Variants in UBE4A observed in about 807,000 individuals in gnomAD.
UBE4A encodes the protein ubiquitin conjugation factor E4 A.
A neutral mutation model predicts 117.9 loss-of-function variants in UBE4A; 48 were observed. The observed-to-expected ratio is 0.41, with a 90% CI of 0.32 to 0.52. The LOEUF is 0.52. UBE4A is among the 20% of genes least tolerant of loss of function. The pLI is 0.33. For missense variants in UBE4A, 1,067 were observed against 1,296.3 expected, an observed-to-expected ratio of 0.82 and a Z score of 2.72; for synonymous variants, 407 against 450.0, an observed-to-expected ratio of 0.90 and a Z score of 1.21.
chr11:118,386,643 A>G lies in UBE4A; in HGVS notation c.2587+31A>G, dbSNP rs782360788. 2.7e-6 allele frequency: 4 copies of G among 1,494,160 alleles called. No individual in the cohort carries two copies. The East Asian group carries it at 1.0e-4, about 39-fold the overall frequency. 92.6% of individuals were successfully genotyped at this position (1,494,160 alleles called of 1,614,324 possible). A position where few individuals can be genotyped will look rare whatever the true frequency, so the allele number is the denominator to read the frequency against. ...GACATGAAGTACTGCTTCCCCCCAA[A>G]AAAGTAATGGCCAAGATCAGCTTCA... is the stretch of plus-strand genomic sequence containing the variant. On this transcript the variant is annotated intron_variant, in intron 16 of 19. Transcript: ENST00000252108.
Position 118,369,487 on chromosome 11 carries a change from A to T in UBE4A, c.360A>T (p.Ala120=). The T allele has an allele frequency of 6.2e-7, 1 of 1,614,204 alleles. No individual in the cohort carries two copies. Among genetic ancestry groups the T allele is most frequent in the Non-Finnish European group, 8.5e-7 (1 of 1,180,024 alleles). Residue 120 remains alanine, a synonymous_variant, in exon 4 of 20, where the codon GCA becomes GCT. Coordinates refer to ENST00000252108, the MANE Select transcript of UBE4A (RefSeq NM_001204077.2). ...PSRCVYLEEM[A]VELEDQDWLD... ...GTTGTGTGTATTTGGAAGAAATGGC[A>T]GTAGAGCTAGAAGATCAAGACTGGC... is the stretch of plus-strand genomic sequence containing the variant.
chr11:118,370,622 T>TAAAA (rs142959441), intron 4 of UBE4A, among the ~76,000 whole-genome samples: 1 of 138,760 alleles, frequency 7.2e-6, no homozygotes, highest in East Asian at 2.1e-4. Flanking sequence ...AAGACCCATC[T>TAAAA]AAAAAAAAAA....
At chr11:118,376,464 GAT>G (rs782023208) in intron 9 of UBE4A, 108 bp from the exon 10 acceptor site, 141 of 1,407,178 alleles carry the variant, frequency 1.0e-4, no homozygotes, top group Non-Finnish European at 1.3e-4. Context: ...AATATGACAA[GAT>G]ATGTTTTTAA....
In UBE4A at chr11:118,379,656, A is replaced by G. The variant is rs143573037; in HGVS notation, c.1782A>G (p.Leu594=). ...ACTTGCAGGTGTCCATGGCTGTTCTACTGGTTCAACTGGCCATAGGCAATG... is the reference window on the plus strand; with the variant it reads ...ACTTGCAGGTGTCCATGGCTGTTCTGCTGGTTCAACTGGCCATAGGCAATG... ...CLNLQVSMAV[L]LVQLAIGNEG... is the part of the protein sequence containing the mutation. The change falls in exon 11 of 20, where the codon CTA becomes CTG. Residue 594 remains leucine (L), a synonymous_variant. Coordinates refer to ENST00000252108, the MANE Select transcript of UBE4A (RefSeq NM_001204077.2). 1,681 of 1,614,244 alleles carry G rather than the reference A, an allele frequency of 1.0e-3. 2 individuals carry two copies. The highest frequency in any genetic ancestry group is 1.1e-3 in the Non-Finnish European group (1,265 of 1,180,036).
Position 118,379,441 on chromosome 11 carries a change from G to A in UBE4A, c.1572-5G>A, listed in dbSNP as rs1948680972. On this transcript the variant is annotated splice_polypyrimidine_tract_variant and splice_region_variant and intron_variant, in intron 10 of 19. Transcript: ENST00000252108. The stretch of plus-strand genomic sequence containing the variant: ...ACCCAGTCTCTTCTGCTTTCTTGGG[G>A]GCAGGTTGCATGATCAGATGGTAAA... 1.9e-6 allele frequency: 3 copies of A among 1,610,090 alleles called. No homozygotes were observed. The highest frequency in any genetic ancestry group is 2.5e-6 in the Non-Finnish European group (3 of 1,177,352).
intron 2 of UBE4A, among the ~76,000 whole-genome samples, chr11:118,368,040 A>G (rs1413742890): frequency 6.6e-6 from 1 of 152,246 alleles, no homozygotes. Flanking sequence ...ATAGTGAGGT[A>G]GGCCTCTAAA....
chr11:118,366,968 C>T (rs555968754), intron 2 of UBE4A, among the ~76,000 whole-genome samples: 1 of 152,252 alleles, frequency 6.6e-6, no homozygotes, highest in South Asian at 2.1e-4. Context: ...CTCTGGGAGG[C>T]CAAGGTGGGC....
chr11:118,388,984 T>C (rs560592155), intron 16 of UBE4A, among the ~76,000 whole-genome samples: 1 of 151,852 alleles, frequency 6.6e-6, no homozygotes, highest in African/African-American at 2.4e-5. Flanking sequence ...TAAAAAATAA[T>C]TTTTTTAAAA....
At chr11:118,363,771 G>A (rs1284686608) in intron 1 of UBE4A, among the ~76,000 whole-genome samples, 4 of 151,944 alleles carry the variant, frequency 2.6e-5, no homozygotes, top group East Asian at 1.9e-4. Flanking sequence ...GGCACCTGCC[G>A]CCATGCCTGG....
chr11:118,372,352 A>G (rs888099906), intron 5 of UBE4A, among the ~76,000 whole-genome samples, 155 bp from the exon 6 acceptor site: 3 of 152,240 alleles, frequency 2.0e-5, no homozygotes, highest in Non-Finnish European at 2.9e-5. Flanking sequence ...TTAAATAGGC[A>G]GATAGATGAT....
rs782655923 is a variant in UBE4A at position 118,379,500 on chromosome 11, C to T, written c.1626C>T (p.Ala542=). Residue 542 remains alanine, a synonymous_variant, in exon 11 of 20, where the codon GCC becomes GCT. Transcript: ENST00000252108. The part of the protein sequence containing the change: ...INQNLHRLQV[A]WRDAQQSSSP... ...AAAATCTGCATCGGCTGCAGGTTGC[C>T]TGGCGGGATGCTCAGCAAAGTTCTA... 1.7e-5 allele frequency: 27 copies of T among 1,614,034 alleles called. No individual in the cohort carries two copies. Among genetic ancestry groups the T allele is most frequent in the East Asian group, 1.3e-4 (6 of 44,898 alleles).
At chr11:118,372,978 C>T in intron 6 of UBE4A, 108 bp from the exon 7 acceptor site, 1 of 1,103,198 alleles carries the variant, frequency 9.1e-7, no homozygotes, top group Non-Finnish European at 1.3e-6. Flanking sequence ...AACAAGACCC[C>T]CAGCTCTAAA....
chr11:118,372,050 A>G (rs759726459), intron 5 of UBE4A, among the ~76,000 whole-genome samples: 6 of 152,328 alleles, frequency 3.9e-5, no homozygotes, highest in Non-Finnish European at 7.4e-5. Context: ...ACATGAGGCC[A>G]GGAGTTCGAG....
chr11:118,396,080 G>A (rs1479479306), intron 19 of UBE4A, among the ~76,000 whole-genome samples: 2 of 148,330 alleles, frequency 1.3e-5, no homozygotes, highest in African/African-American at 2.5e-5. Context: ...GGGCGACAGG[G>A]CAAGACTGTC....
intron 1 of UBE4A, among the ~76,000 whole-genome samples, chr11:118,362,419 C>T (rs771894948): frequency 3.5e-4 from 54 of 152,152 alleles, no homozygotes; most frequent in Non-Finnish European, 6.2e-4. Flanking sequence ...CCACTGTGCC[C>T]GGCCTTCTTG....
At chr11:118,367,518 CT>C (rs36110679) in intron 2 of UBE4A, among the ~76,000 whole-genome samples, 41,939 of 123,226 alleles carry the variant, frequency 0.34, 5,643 homozygotes, top group East Asian at 0.5. Flanking sequence ...TAAATGTTAA[CT>C]TTTTTTTTTT....
chr11:118,396,524 C>T lies in UBE4A; in HGVS notation c.*84C>T. ...GGTTTCTCTCTTTCTGGTTCTGTTC[C>T]TTTTCTTTCTTCTTTTCTTTTTCTT... On this transcript the variant is annotated 3_prime_UTR_variant, in exon 20 of 20. Coordinates refer to ENST00000252108, the MANE Select transcript of UBE4A (RefSeq NM_001204077.2). The T allele has an allele frequency of 7.1e-7, 1 of 1,406,248 alleles. No homozygotes were observed. Among genetic ancestry groups the T allele is most frequent in the South Asian group, 1.5e-5 (1 of 65,900 alleles). The allele number at this position is 1,406,248 out of a possible 1,614,324, so 87.1% of individuals were successfully genotyped here.
At chr11:118,361,535 A>G (rs760806800) in intron 1 of UBE4A, among the ~76,000 whole-genome samples, 6 of 152,204 alleles carry the variant, frequency 3.9e-5, no homozygotes, top group Admixed American at 6.5e-5. Context: ...GTGACTACAC[A>G]GTTTTAGCCC....
chr11:118,394,156 T>C (rs1033478947), intron 19 of UBE4A, among the ~76,000 whole-genome samples: 3 of 152,080 alleles, frequency 2.0e-5, no homozygotes, highest in Admixed American at 2.0e-4. Flanking sequence ...TATTTATATA[T>C]TTATTTATCT....
Sources: gnomAD v4.1 joint callset for allele counts (sites outside exome capture counted in the v4.1 genomes callset) on GRCh38, gnomAD v4.1.1 for gene constraint, MANE v1.5 for transcripts, NCBI Gene and HGNC (gene_info 2026-07-23, HGNC 2026-07-21) for gene names.